The following DPY19L1 variants were observed in gnomAD, a reference collection of about 807,000 sequenced individuals.
The protein encoded by DPY19L1 is dpy-19 like C-mannosyltransferase 1.
DPY19L1 carries 35 observed loss-of-function variants against 96.9 expected under a neutral mutation model. The observed-to-expected ratio is 0.36, with a 90% CI of 0.28 to 0.48. The LOEUF is 0.48. DPY19L1 is among the 20% of genes least tolerant of loss of function. The probability of loss-of-function intolerance (pLI) is 0.99; values close to 1 mark genes in which losing one functional copy is unlikely to be tolerated. For missense variants in DPY19L1, 521 were observed against 777.9 expected (o/e 0.67, Z 3.93); for synonymous variants, 205 against 252.6 (o/e 0.81, Z 1.79).
intron 14 of DPY19L1, among the ~76,000 whole-genome samples, chr7:34,949,455 T>C (rs1784224815): frequency 6.6e-6 from 1 of 152,196 alleles, no homozygotes; most frequent in African/African-American, 2.4e-5. Context: ...CAAATATCTA[T>C]TTAAATAACC....
rs776112445 is a variant in DPY19L1, at chr7:34,967,021, C to T, written c.1015-50G>A. The T allele has an allele frequency of 1.6e-5, 22 of 1,349,780 alleles. 2 individuals carry two copies. In the South Asian group the frequency reaches 2.6e-4, roughly 16 times the overall value. 83.6% of individuals were successfully genotyped at this position (1,349,780 alleles called of 1,614,324 possible). A position where few individuals can be genotyped will look rare whatever the true frequency, so the allele number is the denominator to read the frequency against. On this transcript the variant is annotated intron_variant, in intron 9 of 21. Coordinates refer to ENST00000638088, the MANE Select transcript of DPY19L1 (RefSeq NM_001366673.1). ...GTAAAAAAGATAAAATGAATAGCTACAAGAATGAAGAATATATTTACTGTT... is the reference window on the plus strand; with the variant it reads ...GTAAAAAAGATAAAATGAATAGCTATAAGAATGAAGAATATATTTACTGTT...
chr7:34,982,432 T>C (rs1784959176), intron 7 of DPY19L1, among the ~76,000 whole-genome samples: 2 of 152,204 alleles, frequency 1.3e-5, no homozygotes, highest in South Asian at 4.1e-4. Flanking sequence ...TGTCAAAATA[T>C]TAAAACTGGT....
chr7:34,949,709 C>T (rs1784230586), intron 14 of DPY19L1, 88 bp downstream of exon 14: 1 of 803,594 alleles, frequency 1.2e-6, no homozygotes, highest in Non-Finnish European at 2.0e-6. Flanking sequence ...GATAACAGCA[C>T]ATAAAGAGTC....
At chr7:35,034,183 A>G (rs1786331108) in intron 1 of DPY19L1, among the ~76,000 whole-genome samples, 2 of 152,140 alleles carry the variant, frequency 1.3e-5, no homozygotes, top group African/African-American at 2.4e-5. Flanking sequence ...TGTTGTGTAT[A>G]TAGTATCTCA....
Position 34,940,301 on chromosome 7 carries a change from T to C in DPY19L1, c.1716A>G (p.Val572=), listed in dbSNP as rs1348321678. 14 of 1,609,158 alleles carry C rather than the reference T, an allele frequency of 8.7e-6. No individual in the cohort carries two copies. The highest frequency in any genetic ancestry group is 1.2e-5 in the Non-Finnish European group (14 of 1,179,224). The change falls in exon 19 of 22, where the codon GTA becomes GTG. Residue 572 remains valine, a synonymous_variant. Coordinates refer to ENST00000638088, the MANE Select transcript of DPY19L1 (RefSeq NM_001366673.1). ...RQLFGWLFCK[V]HPGAIVFAIL... ...TAGCAAACACAATAGCACCAGGATG[T>C]ACTTTGCAAAAGAGCCATCCAAATA... is the stretch of plus-strand genomic sequence containing the variant.
At chr7:35,035,390 A>G (rs1419561909) in intron 1 of DPY19L1, among the ~76,000 whole-genome samples, 1 of 152,236 alleles carries the variant, frequency 6.6e-6, no homozygotes, top group Non-Finnish European at 1.5e-5. Flanking sequence ...TAAGTCATGC[A>G]TCCATCCAAA....
chr7:35,022,399 G>A (rs1786016078), intron 1 of DPY19L1, among the ~76,000 whole-genome samples: 1 of 152,186 alleles, frequency 6.6e-6, no homozygotes. Flanking sequence ...TTTGCTGGAA[G>A]CACAGAAATT....
intron 21 of DPY19L1, among the ~76,000 whole-genome samples, chr7:34,935,503 A>G (rs918201842): frequency 6.6e-6 from 1 of 152,226 alleles, no homozygotes; most frequent in African/African-American, 2.4e-5. Context: ...ACAGTGTCAA[A>G]TATTTAAGGA....
rs1783969088 is a variant in DPY19L1 at position 34,940,139 on chromosome 7, T to G, written c.1864+14A>C. The G allele has an allele frequency of 1.5e-6, 2 of 1,371,102 alleles. No individual in the cohort carries two copies. The highest frequency in any genetic ancestry group is 1.9e-6 in the Non-Finnish European group (2 of 1,048,176). 84.9% of individuals were successfully genotyped at this position (1,371,102 alleles called of 1,614,324 possible). Reference sequence around the variant, plus strand: ...TAAATAATATGACTTTTTTTTTCTTTTTTTTTTTTTTACCTGGTTTAGTAC... The same window carrying G: ...TAAATAATATGACTTTTTTTTTCTTGTTTTTTTTTTTACCTGGTTTAGTAC... On this transcript the variant is annotated intron_variant, in intron 19 of 21. Coordinates refer to ENST00000638088, the MANE Select transcript of DPY19L1 (RefSeq NM_001366673.1).
intron 21 of DPY19L1, among the ~76,000 whole-genome samples, chr7:34,937,672 G>A (rs1451168619): frequency 6.6e-5 from 10 of 152,024 alleles, no homozygotes; most frequent in East Asian, 1.9e-4. Flanking sequence ...GGTGACTCAC[G>A]CCTGTACTCC....
intron 6 of DPY19L1, among the ~76,000 whole-genome samples, chr7:35,009,330 T>C (rs2128677646): frequency 1.3e-5 from 2 of 152,318 alleles, no homozygotes. Flanking sequence ...AATTCTGTAC[T>C]ACAAAGAATC....
chr7:34,981,001 T>C (rs1400324687), intron 7 of DPY19L1, among the ~76,000 whole-genome samples: 1 of 152,070 alleles, frequency 6.6e-6, no homozygotes, highest in African/African-American at 2.4e-5. Flanking sequence ...ATAGAAGAGT[T>C]TTGAAGGATG....
At chr7:34,934,243 G>A (rs780525305) in intron 21 of DPY19L1, among the ~76,000 whole-genome samples, 15 of 152,090 alleles carry the variant, frequency 9.9e-5, no homozygotes, top group South Asian at 2.1e-4. Context: ...GATTACAGGC[G>A]TGACCCACCG....
intron 1 of DPY19L1, among the ~76,000 whole-genome samples, chr7:35,033,779 C>T (rs556455580): frequency 1.3e-5 from 2 of 152,232 alleles, no homozygotes; most frequent in Admixed American, 1.3e-4. Flanking sequence ...ACCATATGGG[C>T]TTCAAGGTTC....
chr7:35,031,653 T>G (rs1285270577), intron 1 of DPY19L1, among the ~76,000 whole-genome samples: 3 of 152,246 alleles, frequency 2.0e-5, no homozygotes, highest in African/African-American at 4.8e-5. Context: ...TCAGTATTGA[T>G]GCCATATTAT....
intron 10 of DPY19L1, among the ~76,000 whole-genome samples, chr7:34,963,193 C>CAAAAA (rs58387078): frequency 1.3e-5 from 1 of 78,804 alleles, no homozygotes; most frequent in African/African-American, 5.5e-5. Context: ...AGATCTGTCT[C>CAAAAA]AAAAAAAAAA....
chr7:34,967,770 T>C (rs1784642438), intron 9 of DPY19L1, among the ~76,000 whole-genome samples: 1 of 152,170 alleles, frequency 6.6e-6, no homozygotes. Flanking sequence ...CTTAAACATA[T>C]AACTTAAGTT....
At chr7:34,954,650 A>G in intron 13 of DPY19L1, 48 bp downstream of exon 13, 1 of 1,108,476 alleles carries the variant, frequency 9.0e-7, no homozygotes, top group Non-Finnish European at 1.3e-6. Flanking sequence ...TTCTTAGCCT[A>G]TTCGATTCTT....
At chr7:35,001,049 T>C (rs1785414920) in intron 6 of DPY19L1, among the ~76,000 whole-genome samples, 1 of 152,218 alleles carries the variant, frequency 6.6e-6, no homozygotes, top group Non-Finnish European at 1.5e-5. Context: ...AGTTATTTAA[T>C]ATCCTTGTGT....
Sources: allele counts gnomAD v4.1 joint callset (sites outside exome capture counted in the v4.1 genomes callset), GRCh38; gene constraint gnomAD v4.1.1; transcripts MANE v1.5; gene names NCBI Gene and HGNC (gene_info 2026-07-23, HGNC 2026-07-21).